Variants in CD48 observed in about 807,000 individuals in gnomAD.
CD48 encodes CD48 molecule.
CD48 carries 20 observed loss-of-function variants against 22.0 expected under a neutral mutation model. The observed-to-expected ratio is 0.91, with a 90% confidence interval of 0.64 to 1.32. CD48 has a LOEUF of 1.32. Among genes scored for constraint, CD48 ranks in the 40% most tolerant of loss-of-function variants. The probability of loss-of-function intolerance (pLI) is 0.00; values close to 1 mark genes in which losing one functional copy is unlikely to be tolerated. For missense variants in CD48, 307 were observed against 286.5 expected (o/e 1.07, Z -0.52); for synonymous variants, 110 against 110.1 (o/e 1.00, Z 0.01).
intron 2 of CD48, among the ~76,000 whole-genome samples, chr1:160,683,164 G>C (rs1283834989): frequency 6.6e-6 from 1 of 152,152 alleles, no homozygotes; most frequent in Non-Finnish European, 1.5e-5. Context: ...ACCATTTCCT[G>C]TGTTCTAGCC....
chr1:160,687,768 A>G (rs1335357557), intron 1 of CD48, among the ~76,000 whole-genome samples: 1 of 152,240 alleles, frequency 6.6e-6, no homozygotes, highest in Non-Finnish European at 1.5e-5. Flanking sequence ...AATTTACTAC[A>G]GTGGAGCCCC....
chr1:160,707,230 A>G lies in CD48; in HGVS notation c.82+4452T>C, dbSNP rs1472620115. Among the ~76,000 whole-genome samples, 6 of 152,218 alleles carry G rather than the reference A, an allele frequency of 3.9e-5. No homozygotes were observed. The East Asian group carries it at 1.2e-3, about 29-fold the overall frequency. On this transcript the variant is annotated intron_variant, in intron 1 of 3. Coordinates refer to ENST00000368046, the MANE Select transcript of CD48 (RefSeq NM_001778.4). ...ATGCAATCTGAAGGTGAGGAAGGAGAAACAATAAAAATAGACTCTTCTCTT... is the reference window on the plus strand; with the variant it reads ...ATGCAATCTGAAGGTGAGGAAGGAGGAACAATAAAAATAGACTCTTCTCTT...
chr1:160,687,268 T>G (rs1662037109), intron 1 of CD48, among the ~76,000 whole-genome samples: 1 of 137,288 alleles, frequency 7.3e-6, no homozygotes, highest in Non-Finnish European at 1.7e-5. Flanking sequence ...TGTTATCTTG[T>G]TCTTTTTTCA....
chr1:160,707,454 G>A (rs1033606821), intron 1 of CD48, among the ~76,000 whole-genome samples: 1 of 152,194 alleles, frequency 6.6e-6, no homozygotes, highest in Non-Finnish European at 1.5e-5. Flanking sequence ...ACTCAGAGCA[G>A]AGTTAGTGGC....
Position 160,679,029 on chromosome 1 carries a change from C to A in CD48, c.*23G>T. 1 of 1,591,738 alleles carries A rather than the reference C, an allele frequency of 6.3e-7. No individual in the cohort carries two copies. Among genetic ancestry groups the A allele is most frequent in the South Asian group, 1.1e-5 (1 of 90,650 alleles). The stretch of plus-strand genomic sequence containing the variant: ...GCAAGATCTTCTGGCCTTGAAGTTT[C>A]GCTTGAGTTAAAAGAGCTCATCTCA... On this transcript the variant is annotated 3_prime_UTR_variant, in exon 4 of 4. Transcript: ENST00000368046.
At chr1:160,681,583 A>C in intron 2 of CD48, 115 bp from the exon 3 acceptor site, 1 of 1,315,686 alleles carries the variant, frequency 7.6e-7, no homozygotes, top group East Asian at 2.3e-5. Flanking sequence ...CAGGAGGCAG[A>C]GTCATGAAGA....
chr1:160,709,774 C>T (rs1274092368), intron 1 of CD48, among the ~76,000 whole-genome samples: 1 of 152,214 alleles, frequency 6.6e-6, no homozygotes, highest in Non-Finnish European at 1.5e-5. Context: ...TGAAGTTGTT[C>T]ATTCATTTGT....
intron 1 of CD48, among the ~76,000 whole-genome samples, chr1:160,687,097 C>T (rs1304404700): frequency 3.9e-5 from 6 of 152,116 alleles, no homozygotes; most frequent in African/African-American, 1.4e-4. Flanking sequence ...GCCTATACCT[C>T]CAGGCGCGTA....
At chr1:160,702,892 T>A (rs1662679054) in intron 1 of CD48, among the ~76,000 whole-genome samples, 2 of 152,174 alleles carry the variant, frequency 1.3e-5, no homozygotes, top group South Asian at 4.1e-4. Flanking sequence ...TAAAGGAGAA[T>A]GCCTTGAGTG....
intron 1 of CD48, among the ~76,000 whole-genome samples, chr1:160,689,329 A>G (rs1662109750): frequency 6.6e-6 from 1 of 151,484 alleles, no homozygotes; most frequent in Admixed American, 6.6e-5. Flanking sequence ...TTTCTGCAGG[A>G]GCATCTATCT....
chr1:160,707,335 T>C (rs1446042522), intron 1 of CD48, among the ~76,000 whole-genome samples: 1 of 152,168 alleles, frequency 6.6e-6, no homozygotes, highest in African/African-American at 2.4e-5. Context: ...GTATTTTGTT[T>C]TTGTTATTCA....
chr1:160,680,517 C>A, intron 3 of CD48: 1 of 945,440 alleles, frequency 1.1e-6, no homozygotes, highest in Non-Finnish European at 1.3e-6. Context: ...TAGAAGTGAC[C>A]CCAGGTATGA....
At chr1:160,710,363 C>T (rs1305885321) in intron 1 of CD48, among the ~76,000 whole-genome samples, 1 of 152,128 alleles carries the variant, frequency 6.6e-6, no homozygotes, top group African/African-American at 2.4e-5. Flanking sequence ...ACAGTAAGTG[C>T]TTAATTTGTA....
intron 1 of CD48, among the ~76,000 whole-genome samples, chr1:160,710,649 A>T (rs352683): frequency 6.6e-6 from 1 of 151,980 alleles, no homozygotes; most frequent in South Asian, 2.1e-4. Context: ...TCAGCCCCCA[A>T]TCCCAAGGTC....
intron 1 of CD48, among the ~76,000 whole-genome samples, chr1:160,697,974 T>C (rs1343119533): frequency 6.6e-6 from 1 of 152,200 alleles, no homozygotes; most frequent in Non-Finnish European, 1.5e-5. Flanking sequence ...AGACCAAAAA[T>C]AATAAGTCCT....
At chr1:160,703,989 T>C (rs978763) in intron 1 of CD48, among the ~76,000 whole-genome samples, 21,299 of 152,148 alleles carry the variant, frequency 0.14, 1,735 homozygotes, top group African/African-American at 0.21. Flanking sequence ...AGATACATTT[T>C]AGCTTTATTA....
chr1:160,697,987 T>C (rs953737773), intron 1 of CD48, among the ~76,000 whole-genome samples: 2 of 152,222 alleles, frequency 1.3e-5, no homozygotes, highest in Non-Finnish European at 2.9e-5. Context: ...TAAGTCCTGT[T>C]TCTGGTCCTG....
chr1:160,679,306 T>A (rs73012279), intron 3 of CD48, among the ~76,000 whole-genome samples, 175 bp from the exon 4 acceptor site: 2,891 of 152,178 alleles, frequency 0.019, 114 homozygotes, highest in African/African-American at 0.066. Flanking sequence ...TCCCCAAACA[T>A]AAAGTATAAA....
chr1:160,707,413 G>T (rs574428032), intron 1 of CD48, among the ~76,000 whole-genome samples: 1 of 152,242 alleles, frequency 6.6e-6, no homozygotes, highest in Non-Finnish European at 1.5e-5. Flanking sequence ...ATGAAGAGAA[G>T]GGAGGTGATT....
Sources: allele counts gnomAD v4.1 joint callset (sites outside exome capture counted in the v4.1 genomes callset), GRCh38; gene constraint gnomAD v4.1.1; transcripts MANE v1.5; gene names NCBI Gene and HGNC (gene_info 2026-07-23, HGNC 2026-07-21).